The following PRKAR1B variants were observed in gnomAD, a reference collection of about 807,000 sequenced individuals.
PRKAR1B encodes protein kinase cAMP-dependent type I regulatory subunit beta.
PRKAR1B carries 22 observed loss-of-function variants against 46.5 expected under a neutral mutation model. The ratio of observed to expected loss-of-function variants is 0.47; its 90% CI spans 0.34 to 0.68. The LOEUF (loss-of-function observed/expected upper bound fraction) is 0.68, where lower values mean the gene tolerates loss of function less well. Among genes scored for constraint, PRKAR1B ranks in the 30% least tolerant of loss-of-function variants. The probability of loss-of-function intolerance (pLI) is 0.01; values close to 1 mark genes in which losing one functional copy is unlikely to be tolerated. For missense variants in PRKAR1B, 445 were observed against 535.6 expected (o/e 0.83, Z 1.67); for synonymous variants, 259 against 217.7 (o/e 1.19, Z -1.67).
chr7:714,635 T>C lies in PRKAR1B; in HGVS notation c.-22-3108A>G, dbSNP rs1780810843. ...CTCTCCAGACTGGCTCTGGTAGGAG[T>C]GCGAGGCGTGGCCCCCACCGCCCCA... is the stretch of plus-strand genomic sequence containing the variant. On this transcript the variant is annotated intron_variant, in intron 1 of 10. Transcript: ENST00000537384. This position sits in a 1 kb window ranked among gnomAD's most constrained non-coding sequence, Gnocchi z 4.3. Among the ~76,000 whole-genome samples, 1 of 152,074 alleles carries C rather than the reference T, an allele frequency of 6.6e-6. No individual in the cohort carries two copies. Among genetic ancestry groups the C allele is most frequent in the Non-Finnish European group, 1.5e-5 (1 of 68,006 alleles).
At chr7:722,921 T>C (rs1415079241) in intron 1 of PRKAR1B, among the ~76,000 whole-genome samples, 1 of 151,044 alleles carries the variant, frequency 6.6e-6, no homozygotes, top group East Asian at 1.9e-4. Context: ...TTGTGGTCTG[T>C]CATTCCAACA....
intron 1 of PRKAR1B, among the ~76,000 whole-genome samples, chr7:715,721 A>ATT (rs1021739327): frequency 3.4e-5 from 5 of 146,234 alleles, no homozygotes; most frequent in African/African-American, 7.5e-5. Flanking sequence ...GCCACATTTT[A>ATT]TTTTTTTTTT....
chr7:588,500 GAC>G (rs1780734065), intron 7 of PRKAR1B, among the ~76,000 whole-genome samples: 1 of 151,314 alleles, frequency 6.6e-6, no homozygotes, highest in Admixed American at 6.6e-5. Context: ...TGAGGATAGT[GAC>G]AGTGGTGATC....
Position 606,193 on chromosome 7 carries a change from A to G in PRKAR1B, c.549T>C (p.Asp183=), listed in dbSNP as rs765438930. The part of the protein sequence containing the change: ...NFYVVDQGEV[D]VYVNGEWVTN... ...CCAAAGACAAGTTAGCGACACTCAC[A>G]TCCACTTCCCCTTGATCAACGACAT... Residue 183 remains aspartate (D), a splice_region_variant and synonymous_variant, in exon 6 of 11, where the codon GAT becomes GAC. Transcript: ENST00000537384. 6.2e-7 allele frequency: 1 copy of G among 1,613,854 alleles called. No individual in the cohort carries two copies. The highest frequency in any genetic ancestry group is 8.5e-7 in the Non-Finnish European group (1 of 1,179,890).
At chr7:636,387 G>GA (rs879065255) in intron 4 of PRKAR1B, among the ~76,000 whole-genome samples, 13 of 59,400 alleles carry the variant, frequency 2.2e-4, no homozygotes, top group South Asian at 6.6e-4. Flanking sequence ...TCCTCCACCG[G>GA]CCGCGCCCTC....
rs568976938 is a variant in PRKAR1B, at chr7:716,352, G to A, written c.-22-4825C>T. On this transcript the variant is annotated intron_variant, in intron 1 of 10. Transcript: ENST00000537384. ...ACTACAGGTATGAGCCACCGCACCC[G>A]GTCCGAAGCCACATTCTTTTCCCAA... 9.2e-4 allele frequency among the ~76,000 whole-genome samples: 140 copies of A among 151,580 alleles called. 1 individual carries two copies. Among genetic ancestry groups the A allele is most frequent in the Non-Finnish European group, 1.7e-3 (118 of 67,932 alleles).
At chr7:696,389 A>G (rs777208892) in intron 2 of PRKAR1B, among the ~76,000 whole-genome samples, 4 of 152,060 alleles carry the variant, frequency 2.6e-5, no homozygotes, top group African/African-American at 4.8e-5. Flanking sequence ...CTCCTGCCTC[A>G]GCCTCCCGAG....
At chr7:581,013 G>A (rs1378813164) in intron 8 of PRKAR1B, among the ~76,000 whole-genome samples, 2 of 152,100 alleles carry the variant, frequency 1.3e-5, no homozygotes, top group Non-Finnish European at 2.9e-5. Context: ...TAAAAACAGG[G>A]TCCGTACCAG....
At chr7:576,995 CTCATCCAA>C (rs1779876337) in intron 9 of PRKAR1B, among the ~76,000 whole-genome samples, 2 of 150,846 alleles carry the variant, frequency 1.3e-5, no homozygotes, top group Non-Finnish European at 3.0e-5. Context: ...CATCAGCGGC[CTCATCCAA>C]CTCCATCAGT....
chr7:624,644 G>C (rs969442059), intron 4 of PRKAR1B, among the ~76,000 whole-genome samples: 10 of 152,208 alleles, frequency 6.6e-5, no homozygotes, highest in African/African-American at 2.4e-4. Context: ...AAAAAACAGT[G>C]ATGTGGAGAC....
At chr7:570,231 G>A (rs1381183765) in intron 9 of PRKAR1B, among the ~76,000 whole-genome samples, 1 of 152,236 alleles carries the variant, frequency 6.6e-6, no homozygotes, top group Non-Finnish European at 1.5e-5. Context: ...CCGGAAGGTT[G>A]ACCGCAGGCT....
At chr7:606,103 G>GT (rs111535904) in intron 6 of PRKAR1B, 90 bp downstream of exon 6, 34,308 of 1,288,888 alleles carry the variant, frequency 0.027, 1,727 homozygotes, top group African/African-American at 0.2. Flanking sequence ...CGCAGTGTTT[G>GT]TTGGGGGCCT....
Position 566,161 on chromosome 7 carries a change from T to TCATCAC in PRKAR1B, c.891+13089_891+13094dup, listed in dbSNP as rs1401141606. On this transcript the variant is annotated intron_variant, in intron 9 of 10. Transcript: ENST00000537384. ...GCCACCTTTATCATTACCATTACCA[T>TCATCAC]CATCACTATCACCATCATCACCATA... Among the ~76,000 whole-genome samples the TCATCAC allele has an allele frequency of 5.4e-3, 819 of 152,160 alleles. 2 individuals are homozygous for TCATCAC. The highest frequency in any genetic ancestry group is 0.017 in the Middle Eastern group (5 of 294).
At chr7:576,410 C>T (rs759999244) in intron 9 of PRKAR1B, among the ~76,000 whole-genome samples, 8 of 152,196 alleles carry the variant, frequency 5.3e-5, no homozygotes, top group Non-Finnish European at 1.0e-4. Flanking sequence ...TCTACTCTAC[C>T]GACCGGAAAT....
In PRKAR1B at chr7:694,181, G is replaced by A. The variant is rs191112423; in HGVS notation, c.178-13455C>T. Among the ~76,000 whole-genome samples the A allele has an allele frequency of 4.6e-5, 7 of 152,038 alleles. 1 individual carries two copies. Among genetic ancestry groups the A allele is most frequent in the Admixed American group, 4.6e-4 (7 of 15,266 alleles). ...GCGCCTGTAGTCCCAGCTACTCGGG[G>A]GGCTGAGGCAGGAGAATCACATGAA... On this transcript the variant is annotated intron_variant, in intron 2 of 10. Transcript: ENST00000537384.
chr7:669,430 T>C (rs887393198), intron 4 of PRKAR1B, among the ~76,000 whole-genome samples: 1 of 152,120 alleles, frequency 6.6e-6, no homozygotes, highest in African/African-American at 2.4e-5. Context: ...CAGCACACCA[T>C]TGTGAATGTA....
chr7:727,201 G>A lies in PRKAR1B; in HGVS notation c.-23+9C>T. 1 of 1,345,666 alleles carries A rather than the reference G, an allele frequency of 7.4e-7. No homozygotes were observed. Among genetic ancestry groups the A allele is most frequent in the Admixed American group, 3.1e-5 (1 of 32,086 alleles). The allele number at this position is 1,345,666 out of a possible 1,614,324, so 83.4% of individuals were successfully genotyped here. A position where few individuals can be genotyped will look rare whatever the true frequency, so the allele number is the denominator to read the frequency against. Reference sequence around the variant, plus strand: ...CGTGGACCTGTGCGGCGCCGCGCTCGCGCCCCACCTGGACGACGCTCTGCG... The same window carrying A: ...CGTGGACCTGTGCGGCGCCGCGCTCACGCCCCACCTGGACGACGCTCTGCG... On this transcript the variant is annotated intron_variant, in intron 1 of 10. Coordinates refer to ENST00000537384, the MANE Select transcript of PRKAR1B (RefSeq NM_001164760.2).
At chr7:588,679 CGATGATGGTGAT>C (rs1562541914) in intron 7 of PRKAR1B, among the ~76,000 whole-genome samples, 2,392 of 22,532 alleles carry the variant, frequency 0.11, 43 homozygotes, top group Middle Eastern at 0.15. Flanking sequence ...GTGGTGATGA[CGATGATGGTGAT>C]GGTGGTGATG....
At chr7:597,030 AT>A (rs1444347249) in intron 6 of PRKAR1B, among the ~76,000 whole-genome samples, 1 of 152,266 alleles carries the variant, frequency 6.6e-6, no homozygotes, top group Admixed American at 6.5e-5. Flanking sequence ...CCTACTATGC[AT>A]TGAGCATCAC....
Sources: allele counts gnomAD v4.1 joint callset (sites outside exome capture counted in the v4.1 genomes callset), GRCh38; gene constraint gnomAD v4.1.1; non-coding constraint Gnocchi (gnomAD v3.1); transcripts MANE v1.5; gene names NCBI Gene and HGNC (gene_info 2026-07-23, HGNC 2026-07-21).